The following INSYN2B variants were observed in gnomAD, a reference collection of about 807,000 sequenced individuals.
INSYN2B encodes the protein protein INSYN2B.
INSYN2B carries 16 observed loss-of-function variants against 41.2 expected under a neutral mutation model. The observed-to-expected ratio is 0.39, with a 90% CI of 0.26 to 0.59. INSYN2B has a LOEUF of 0.59. Ranked by LOEUF, INSYN2B falls within the 20% of genes least tolerant of loss-of-function variation. The pLI is 0.57. For synonymous variants in INSYN2B, 245 were observed against 244.4 expected, an observed-to-expected ratio of 1.00 and a Z score of -0.02; for missense variants, 608 against 646.4, an observed-to-expected ratio of 0.94 and a Z score of 0.64.
chr5:169,948,162 C>G (rs1045642121), intron 1 of INSYN2B, among the ~76,000 whole-genome samples: 2 of 152,148 alleles, frequency 1.3e-5, no homozygotes, highest in Non-Finnish European at 2.9e-5. Context: ...AACCTCTTCT[C>G]TTCATTCATT....
At chr5:169,917,812 A>G (rs1216241631) in intron 1 of INSYN2B, among the ~76,000 whole-genome samples, 1 of 152,218 alleles carries the variant, frequency 6.6e-6, no homozygotes, top group Non-Finnish European at 1.5e-5. Flanking sequence ...GTGGAGAGAT[A>G]AGACTGGTAA....
At chr5:169,918,961 A>G (rs1775027299) in intron 1 of INSYN2B, among the ~76,000 whole-genome samples, 1 of 152,144 alleles carries the variant, frequency 6.6e-6, no homozygotes, top group South Asian at 2.1e-4. Context: ...ATATATGAGT[A>G]TGTAAGATGA....
At chr5:169,931,879 A>T (rs259894) in intron 1 of INSYN2B, among the ~76,000 whole-genome samples, 71,117 of 152,006 alleles carry the variant, frequency 0.47, 16,450 homozygotes, top group East Asian at 0.55. Flanking sequence ...GCCCTTCTCT[A>T]TGTTCCTCTT....
At chr5:169,896,934 A>G (rs1301113885) in intron 1 of INSYN2B, among the ~76,000 whole-genome samples, 1 of 152,230 alleles carries the variant, frequency 6.6e-6, no homozygotes, top group Admixed American at 6.5e-5. Context: ...ATCAACTTTG[A>G]CGTGAGCTTC....
intron 1 of INSYN2B, among the ~76,000 whole-genome samples, chr5:169,942,034 G>A (rs1156762764): frequency 1.3e-5 from 2 of 152,184 alleles, no homozygotes; most frequent in Non-Finnish European, 2.9e-5. Context: ...CACTGCTGTC[G>A]TTAGCCTGAA....
rs1227487922 is a variant in INSYN2B, at chr5:169,882,902, T to C, written c.997A>G (p.Ser333Gly). 6.4e-7 allele frequency: 1 copy of C among 1,551,774 alleles called. No homozygotes were observed. Among genetic ancestry groups the C allele is most frequent in the Non-Finnish European group, 8.7e-7 (1 of 1,146,946 alleles). The change falls in exon 2 of 4, where the codon AGT becomes GGT. Residue 333 changes from serine (S) to glycine (G), a missense_variant. Ser to Gly is a moderately conservative substitution (Grantham distance 56). Transcript: ENST00000377365. ...GACACCAGATTCTGGTGATTGTTAC[T>C]TGATGAAGGACAGTCTGAGGCTCTT... ...PGRASDCPSS[S>G]NNHQNLVSLK...
intron 1 of INSYN2B, among the ~76,000 whole-genome samples, chr5:169,907,086 T>C (rs1774323409): frequency 6.6e-6 from 1 of 152,100 alleles, no homozygotes; most frequent in Non-Finnish European, 1.5e-5. Context: ...AACATAAATA[T>C]GAGGTTTTAG....
At chr5:169,938,337 G>T (rs1561838379) in intron 1 of INSYN2B, among the ~76,000 whole-genome samples, 1 of 151,820 alleles carries the variant, frequency 6.6e-6, no homozygotes, top group Non-Finnish European at 1.5e-5. Flanking sequence ...TGCATCATTA[G>T]GCAATTTTCT....
At chr5:169,871,818 G>A (rs1355822406) in intron 3 of INSYN2B, among the ~76,000 whole-genome samples, 1 of 152,182 alleles carries the variant, frequency 6.6e-6, no homozygotes, top group Non-Finnish European at 1.5e-5. Context: ...TGGACCAGCT[G>A]ACCAGTCCAC....
chr5:169,941,112 C>T (rs940442521), intron 1 of INSYN2B, among the ~76,000 whole-genome samples: 6 of 152,174 alleles, frequency 3.9e-5, no homozygotes, highest in East Asian at 1.9e-4. Context: ...ACTGAAGCCG[C>T]GCCCCGAAGG....
intron 1 of INSYN2B, among the ~76,000 whole-genome samples, chr5:169,921,949 G>A (rs1207473714): frequency 1.3e-5 from 2 of 152,212 alleles, no homozygotes; most frequent in African/African-American, 4.8e-5. Flanking sequence ...GCTCCAGAGA[G>A]GTTGGAGGAG....
chr5:169,957,531 G>C (rs1251490257), intron 1 of INSYN2B, among the ~76,000 whole-genome samples: 5 of 152,170 alleles, frequency 3.3e-5, no homozygotes, highest in Non-Finnish European at 7.3e-5. Context: ...GAGGTGTCAG[G>C]TGACTGCTCC....
chr5:169,893,456 A>G (rs1413642276), intron 1 of INSYN2B, among the ~76,000 whole-genome samples: 1 of 146,040 alleles, frequency 6.8e-6, no homozygotes, highest in Non-Finnish European at 1.5e-5. Context: ...TTTTCACTAC[A>G]TAACTGGGGA....
chr5:169,920,902 G>C (rs1256223358), intron 1 of INSYN2B, among the ~76,000 whole-genome samples: 2 of 152,120 alleles, frequency 1.3e-5, no homozygotes, highest in African/African-American at 4.8e-5. Context: ...TGTTTTCCTA[G>C]AGATCAGCAG....
At chr5:169,925,260 C>A (rs1276339188) in intron 1 of INSYN2B, among the ~76,000 whole-genome samples, 1 of 152,164 alleles carries the variant, frequency 6.6e-6, no homozygotes, top group Non-Finnish European at 1.5e-5. Flanking sequence ...AGAAGTCAAA[C>A]CTGCCTTGAG....
chr5:169,930,504 A>G (rs758924011), intron 1 of INSYN2B, among the ~76,000 whole-genome samples: 13 of 152,182 alleles, frequency 8.5e-5, no homozygotes, highest in Non-Finnish European at 1.9e-4. Context: ...GTAAATGAGT[A>G]AAAATCTGCC....
intron 1 of INSYN2B, among the ~76,000 whole-genome samples, chr5:169,924,233 A>AGG (rs2113660292): frequency 6.6e-6 from 1 of 152,332 alleles, no homozygotes; most frequent in South Asian, 2.1e-4. Flanking sequence ...CACACACACT[A>AGG]GCTCTGGCCC....
chr5:169,891,864 A>C (rs887416836), intron 1 of INSYN2B, among the ~76,000 whole-genome samples: 2 of 152,002 alleles, frequency 1.3e-5, no homozygotes, highest in Non-Finnish European at 2.9e-5. Flanking sequence ...GTGTGGTGGC[A>C]GGCACCTGTA....
intron 1 of INSYN2B, among the ~76,000 whole-genome samples, chr5:169,912,047 C>T (rs1774625570): frequency 6.6e-6 from 1 of 152,196 alleles, no homozygotes; most frequent in Non-Finnish European, 1.5e-5. Context: ...CTATGCACAT[C>T]AGGCTGTTGA....
Sources: gnomAD v4.1 joint callset for allele counts (sites outside exome capture counted in the v4.1 genomes callset) on GRCh38, gnomAD v4.1.1 for gene constraint, MANE v1.5 for transcripts, NCBI Gene and HGNC (gene_info 2026-07-23, HGNC 2026-07-21) for gene names.